HECW2: variants seen among roughly 807,000 people sequenced by gnomAD.
The protein encoded by HECW2 is HECT, C2 and WW domain containing E3 ubiquitin protein ligase 2, also known as E3 ubiquitin-protein ligase HECW2.
In HECW2, 61 loss-of-function variants were observed where a neutral mutation model predicts 175.2. The ratio of observed to expected loss-of-function variants is 0.35; its 90% CI spans 0.28 to 0.43. The LOEUF is 0.43. Ranked by LOEUF, HECW2 falls within the 20% of genes least tolerant of loss-of-function variation. The pLI, the probability that HECW2 is intolerant of heterozygous loss-of-function variation, is 1.00. For synonymous variants in HECW2, 671 were observed against 731.0 expected (o/e 0.92, Z 1.32); for missense variants, 1,524 against 2,000.5 (o/e 0.76, Z 4.54).
chr2:196,231,092 C>CAAAAAAAAAAA lies in HECW2; in HGVS notation c.3765-2849_3765-2839dup, dbSNP rs10653412. ...CTGGCGACAGAGCAGGACTCCGTCT[C>CAAAAAAAAAAA]AAAAAAAAAAAAAAAAAAAAAAAAG... On this transcript the variant is annotated intron_variant, in intron 21 of 28. Coordinates refer to ENST00000644978, the MANE Select transcript of HECW2 (RefSeq NM_001348768.2). Among the ~76,000 whole-genome samples the CAAAAAAAAAAA allele has an allele frequency of 3.6e-5, 2 of 55,338 alleles. 1 individual carries two copies. 36.3% of individuals were successfully genotyped at this position (55,338 alleles called of 152,430 possible).
chr2:196,259,228 C>T (rs986286737), intron 17 of HECW2, among the ~76,000 whole-genome samples: 3 of 152,210 alleles, frequency 2.0e-5, no homozygotes, highest in Non-Finnish European at 4.4e-5. Context: ...CCTGCCTTGG[C>T]CTCTCAAATG....
Position 196,362,497 on chromosome 2 carries a change from T to A in HECW2, c.293-18733A>T, listed in dbSNP as rs144580596. ...AACTCCAACTTACCATTACCATAAA[T>A]CAGACATAGCATTCATTTAGGTTAC... On this transcript the variant is annotated intron_variant, in intron 2 of 28. Transcript: ENST00000644978. 3.6e-3 allele frequency among the ~76,000 whole-genome samples: 547 copies of A among 152,202 alleles called. 4 individuals are homozygous for A. The highest frequency in any genetic ancestry group is 0.012 in the African/African-American group (509 of 41,522).
chr2:196,303,784 T>C (rs1691158554), intron 13 of HECW2, among the ~76,000 whole-genome samples: 2 of 152,230 alleles, frequency 1.3e-5, no homozygotes, highest in Middle Eastern at 3.2e-3. Context: ...ATTGTGTTTA[T>C]TTGAGTCTTA....
chr2:196,510,433 C>T (rs907200126), intron 1 of HECW2, among the ~76,000 whole-genome samples: 11 of 152,210 alleles, frequency 7.2e-5, no homozygotes, highest in Admixed American at 3.3e-4. Context: ...CACCCACTCT[C>T]GCCCAGATCA....
chr2:196,482,162 C>T (rs1686863796), intron 1 of HECW2, among the ~76,000 whole-genome samples: 1 of 152,200 alleles, frequency 6.6e-6, no homozygotes. Context: ...ATATCAAACT[C>T]CCTTGAGCAC....
At chr2:196,552,422 C>A (rs947262067) in intron 1 of HECW2, among the ~76,000 whole-genome samples, 1 of 152,172 alleles carries the variant, frequency 6.6e-6, no homozygotes, top group Non-Finnish European at 1.5e-5. Context: ...CCATTCTCCT[C>A]AAAATTTCCA....
At chr2:196,393,538 C>T (rs955724412) in intron 2 of HECW2, among the ~76,000 whole-genome samples, 18 of 152,188 alleles carry the variant, frequency 1.2e-4, no homozygotes, top group African/African-American at 4.1e-4. Context: ...ATGAAGCCAA[C>T]AGACACACGA....
intron 2 of HECW2, among the ~76,000 whole-genome samples, chr2:196,348,004 C>A (rs1693022462): frequency 6.6e-6 from 1 of 152,248 alleles, no homozygotes; most frequent in Non-Finnish European, 1.5e-5. Context: ...CTACAACTGC[C>A]ACTGCTCCTA....
chr2:196,420,865 AC>A (rs757619062), intron 2 of HECW2, among the ~76,000 whole-genome samples: 6 of 152,182 alleles, frequency 3.9e-5, no homozygotes, highest in Non-Finnish European at 8.8e-5. Context: ...AATAGTAATG[AC>A]TAATGTGGAA....
chr2:196,329,693 A>G (rs112680913), intron 4 of HECW2, 43 bp from the exon 5 acceptor site: 3 of 1,491,402 alleles, frequency 2.0e-6, no homozygotes, highest in Non-Finnish European at 2.8e-6. Flanking sequence ...GAAGCATATG[A>G]TGCCACTGGA....
chr2:196,447,800 G>A (rs976057001), intron 1 of HECW2, among the ~76,000 whole-genome samples: 1 of 152,162 alleles, frequency 6.6e-6, no homozygotes, highest in African/African-American at 2.4e-5. Flanking sequence ...GCTCACACCT[G>A]TAATCCCAGC....
chr2:196,358,372 G>A (rs151032607), intron 2 of HECW2, among the ~76,000 whole-genome samples: 67 of 151,246 alleles, frequency 4.4e-4, no homozygotes, highest in South Asian at 1.7e-3. Context: ...ACTTGAGTTC[G>A]AGATCGGCCT....
chr2:196,224,280 T>C (rs538524970), intron 23 of HECW2, among the ~76,000 whole-genome samples: 1 of 152,320 alleles, frequency 6.6e-6, no homozygotes, highest in African/African-American at 2.4e-5. Context: ...TTAACCATGT[T>C]GATTCTGAGA....
intron 1 of HECW2, among the ~76,000 whole-genome samples, chr2:196,576,734 G>T (rs1467922694): frequency 6.6e-6 from 1 of 152,146 alleles, no homozygotes; most frequent in African/African-American, 2.4e-5. Flanking sequence ...AGATAACCAT[G>T]TGAGATAACA....
intron 4 of HECW2, 105 bp from the exon 5 acceptor site, chr2:196,329,755 C>T (rs987076228): frequency 5.9e-5 from 52 of 879,268 alleles, no homozygotes; most frequent in Admixed American, 3.0e-4. Flanking sequence ...TTGCATCAAA[C>T]GGGTATTGTA....
intron 1 of HECW2, among the ~76,000 whole-genome samples, chr2:196,574,499 C>T (rs879094662): frequency 6.6e-6 from 1 of 151,322 alleles, no homozygotes. Context: ...ACTTGTGCAT[C>T]AAAAATTACA....
intron 2 of HECW2, among the ~76,000 whole-genome samples, chr2:196,404,027 G>A (rs1263095936): frequency 6.6e-6 from 1 of 152,134 alleles, no homozygotes. Flanking sequence ...ATATATAATG[G>A]AACCATGCAA....
chr2:196,482,278 T>G (rs2125373553), intron 1 of HECW2, among the ~76,000 whole-genome samples: 1 of 152,354 alleles, frequency 6.6e-6, no homozygotes, highest in East Asian at 1.9e-4. Flanking sequence ...CTCCCCCTTC[T>G]GCAAGTTATT....
intron 22 of HECW2, among the ~76,000 whole-genome samples, 154 bp downstream of exon 22, chr2:196,227,948 T>C (rs1490249224): frequency 6.6e-6 from 1 of 152,172 alleles, no homozygotes; most frequent in Non-Finnish European, 1.5e-5. Context: ...ATATTTAAAT[T>C]TGACAATAAA....
Sources: gnomAD v4.1 joint callset for allele counts (sites outside exome capture counted in the v4.1 genomes callset) on GRCh38, gnomAD v4.1.1 for gene constraint, MANE v1.5 for transcripts, NCBI Gene and HGNC (gene_info 2026-07-23, HGNC 2026-07-21) for gene names.